KCNMB2: variants seen among roughly 807,000 people sequenced by gnomAD.
KCNMB2 encodes the protein potassium calcium-activated channel subfamily M regulatory beta subunit 2.
KCNMB2 carries 9 observed loss-of-function variants against 24.5 expected under a neutral mutation model. The ratio of observed to expected loss-of-function variants is 0.37; its 90% confidence interval spans 0.22 to 0.64. The LOEUF is 0.64. KCNMB2 is among the 30% of genes least tolerant of loss of function. The pLI is 0.63. For missense variants in KCNMB2, 226 were observed against 284.3 expected, an observed-to-expected ratio of 0.79 and a Z score of 1.47; for synonymous variants, 109 against 104.4, an observed-to-expected ratio of 1.04 and a Z score of -0.27.
intron 1 of KCNMB2, among the ~76,000 whole-genome samples, chr3:178,760,643 A>C (rs1234702541): frequency 6.6e-6 from 1 of 151,330 alleles, no homozygotes; most frequent in Non-Finnish European, 1.5e-5. Context: ...TTTTACAAGA[A>C]GGAAATAAAT....
At chr3:178,765,044 A>C (rs974018728) in intron 1 of KCNMB2, among the ~76,000 whole-genome samples, 8 of 152,234 alleles carry the variant, frequency 5.3e-5, no homozygotes, top group Non-Finnish European at 1.2e-4. Flanking sequence ...AGAATGAATA[A>C]CGTAGTATGG....
intron 1 of KCNMB2, among the ~76,000 whole-genome samples, chr3:178,637,371 C>G (rs1267316534): frequency 1.3e-5 from 2 of 152,176 alleles, no homozygotes; most frequent in Non-Finnish European, 2.9e-5. Context: ...CATGATCAAA[C>G]TATCTTTGTT....
At chr3:178,808,736 G>GA (rs1203027176) in intron 2 of KCNMB2, among the ~76,000 whole-genome samples, 7 of 152,030 alleles carry the variant, frequency 4.6e-5, no homozygotes, top group Non-Finnish European at 7.4e-5. Context: ...AATATTAACT[G>GA]AAAAAAGCAA....
chr3:178,549,262 C>G (rs950839780), intron 1 of KCNMB2, among the ~76,000 whole-genome samples: 1 of 151,186 alleles, frequency 6.6e-6, no homozygotes, highest in African/African-American at 2.4e-5. Context: ...AGAAGGGAAA[C>G]AATCTGCCTC....
At chr3:178,690,817 G>C (rs868495161) in intron 1 of KCNMB2, among the ~76,000 whole-genome samples, 33 of 152,192 alleles carry the variant, frequency 2.2e-4, no homozygotes, top group African/African-American at 6.8e-4. Flanking sequence ...GAAACTCAGA[G>C]TTCTTCTGCT....
At chr3:178,565,314 C>G (rs1716479004) in intron 1 of KCNMB2, among the ~76,000 whole-genome samples, 1 of 152,140 alleles carries the variant, frequency 6.6e-6, no homozygotes, top group Non-Finnish European at 1.5e-5. Flanking sequence ...ATACAAGCAG[C>G]CACCAGCAGT....
At chr3:178,603,419 A>AAGCC (rs1276819643) in intron 1 of KCNMB2, among the ~76,000 whole-genome samples, 1 of 151,964 alleles carries the variant, frequency 6.6e-6, no homozygotes, top group Non-Finnish European at 1.5e-5. Flanking sequence ...ATAAAAAGAG[A>AAGCC]AGCCCTAGAA....
At chr3:178,586,577 G>A (rs909169707) in intron 1 of KCNMB2, among the ~76,000 whole-genome samples, 34 of 102,636 alleles carry the variant, frequency 3.3e-4, no homozygotes, top group South Asian at 1.7e-3. Flanking sequence ...ACAGCGTCTC[G>A]CTCTGTCACC....
At chr3:178,753,969 C>T (rs1311475274) in intron 1 of KCNMB2, among the ~76,000 whole-genome samples, 1 of 150,996 alleles carries the variant, frequency 6.6e-6, no homozygotes, top group African/African-American at 2.4e-5. Flanking sequence ...ACTCTCATAA[C>T]CACCATTCTA....
intron 1 of KCNMB2, among the ~76,000 whole-genome samples, chr3:178,654,592 A>G (rs900224548): frequency 6.6e-6 from 1 of 152,234 alleles, no homozygotes; most frequent in Non-Finnish European, 1.5e-5. Context: ...GAACTTTTAC[A>G]TACATGTTAT....
chr3:178,684,573 A>T (rs1362529029), intron 1 of KCNMB2, among the ~76,000 whole-genome samples: 1 of 152,162 alleles, frequency 6.6e-6, no homozygotes, highest in East Asian at 1.9e-4. Flanking sequence ...CACACCTGTA[A>T]TCCAAGCACT....
At chr3:178,541,820 A>G (rs1219470192) in intron 1 of KCNMB2, among the ~76,000 whole-genome samples, 2 of 152,112 alleles carry the variant, frequency 1.3e-5, no homozygotes, top group Non-Finnish European at 2.9e-5. Flanking sequence ...TTTGCCTTCT[A>G]CTTTTAAACT....
chr3:178,797,980 G>A lies in KCNMB2; in HGVS notation c.-67-9363G>A, dbSNP rs546578113. On this transcript the variant is annotated intron_variant, in intron 1 of 4. Coordinates refer to ENST00000452583, the MANE Select transcript of KCNMB2 (RefSeq NM_181361.3). ...GAAATGCTTGTGACTTTTGCACATTGATTTTGTATCTTGAGATCTTGCTGA... is the reference window on the plus strand; with the variant it reads ...GAAATGCTTGTGACTTTTGCACATTAATTTTGTATCTTGAGATCTTGCTGA... 6.6e-5 allele frequency among the ~76,000 whole-genome samples: 10 copies of A among 152,110 alleles called. No homozygotes were observed. The East Asian group carries it at 1.7e-3, about 26-fold the overall frequency.
intron 1 of KCNMB2, among the ~76,000 whole-genome samples, chr3:178,683,919 A>G (rs542976676): frequency 1.3e-5 from 2 of 152,332 alleles, no homozygotes; most frequent in South Asian, 2.1e-4. Flanking sequence ...GAAACAAAAA[A>G]TAGAACTACC....
chr3:178,591,966 T>G (rs964922325), intron 1 of KCNMB2, among the ~76,000 whole-genome samples: 3 of 152,142 alleles, frequency 2.0e-5, no homozygotes, highest in African/African-American at 7.2e-5. Context: ...CACCAATGTT[T>G]TTTCTTTTTG....
At chr3:178,557,769 A>C (rs1716174692) in intron 1 of KCNMB2, among the ~76,000 whole-genome samples, 1 of 152,236 alleles carries the variant, frequency 6.6e-6, no homozygotes, top group African/African-American at 2.4e-5. Context: ...ATCTCTGTGA[A>C]ATCAGTGAGA....
rs73882866 is a variant in KCNMB2 at position 178,819,042 on chromosome 3, C to T, written c.57-6546C>T. On this transcript the variant is annotated intron_variant, in intron 2 of 4. Coordinates refer to ENST00000452583, the MANE Select transcript of KCNMB2 (RefSeq NM_181361.3). ...TCCCTAACTGGCAGGCTTCCTAAAC[C>T]ACCTTTGAGCTTGTAAATCATAGCC... is the stretch of plus-strand genomic sequence containing the variant. 6.3e-3 allele frequency among the ~76,000 whole-genome samples: 965 copies of T among 152,306 alleles called. 12 individuals carry two copies. The highest frequency in any genetic ancestry group is 0.022 in the African/African-American group (930 of 41,572).
At chr3:178,806,351 G>A (rs562106081) in intron 1 of KCNMB2, among the ~76,000 whole-genome samples, 4 of 152,190 alleles carry the variant, frequency 2.6e-5, no homozygotes, top group South Asian at 2.1e-4. Flanking sequence ...CATGAAATAC[G>A]TATGTGCATA....
intron 1 of KCNMB2, among the ~76,000 whole-genome samples, chr3:178,782,735 G>A (rs1190459670): frequency 6.6e-6 from 1 of 151,182 alleles, no homozygotes; most frequent in African/African-American, 2.4e-5. Flanking sequence ...CTCCCATTTT[G>A]TAGTTTGCCT....
Sources: gnomAD v4.1 joint callset for allele counts (sites outside exome capture counted in the v4.1 genomes callset) on GRCh38, gnomAD v4.1.1 for gene constraint, MANE v1.5 for transcripts, NCBI Gene and HGNC (gene_info 2026-07-23, HGNC 2026-07-21) for gene names.